The following SECISBP2L variants were observed in gnomAD, a reference collection of about 807,000 sequenced individuals.
SECISBP2L encodes selenocysteine insertion sequence-binding protein 2-like.
SECISBP2L carries 43 observed loss-of-function variants against 114.7 expected under a neutral mutation model. The ratio of observed to expected loss-of-function variants is 0.38; its 90% confidence interval spans 0.29 to 0.48. SECISBP2L has a LOEUF of 0.48. SECISBP2L is among the 20% of genes least tolerant of loss of function. The pLI, the probability that SECISBP2L is intolerant of heterozygous loss-of-function variation, is 0.98. For missense variants in SECISBP2L, 1,136 were observed against 1,301.1 expected (o/e 0.87, Z 1.95); for synonymous variants, 451 against 439.7 (o/e 1.03, Z -0.32).
intron 1 of SECISBP2L, among the ~76,000 whole-genome samples, chr15:49,039,269 T>G (rs1343873712): frequency 1.3e-5 from 2 of 152,066 alleles, no homozygotes; most frequent in Non-Finnish European, 2.9e-5. Flanking sequence ...AAAAATATCT[T>G]CAAACTCTAA....
Position 49,009,263 on chromosome 15 carries a change from T to C in SECISBP2L, c.1980A>G (p.Pro660=). ...TTTTGGTTATTGTTGAAGATGCCAT[T>C]GGACTGCCTATTCCAGAACTAGCAG... ...GSPASSGIGS[P]MASSTITKIH... is the part of the protein sequence containing the mutation. The change falls in exon 14 of 18, where the codon CCA becomes CCG. Residue 660 remains proline, a synonymous_variant. Transcript: ENST00000559471. 6.2e-7 allele frequency: 1 copy of C among 1,614,192 alleles called. No homozygotes were observed. Among genetic ancestry groups the C allele is most frequent in the Non-Finnish European group, 8.5e-7 (1 of 1,180,010 alleles).
chr15:49,040,108 C>T (rs1903092928), intron 1 of SECISBP2L, among the ~76,000 whole-genome samples: 1 of 152,164 alleles, frequency 6.6e-6, no homozygotes, highest in Admixed American at 6.5e-5. Flanking sequence ...CACCCCACTT[C>T]ATTTGTACTT....
In SECISBP2L at chr15:49,025,797, T is replaced by C. The variant is rs553361152; in HGVS notation, c.1035+1568A>G. Among the ~76,000 whole-genome samples, 23 of 152,268 alleles carry C rather than the reference T, an allele frequency of 1.5e-4. No homozygotes were observed. The South Asian group carries it at 4.4e-3, about 29-fold the overall frequency. ...ACACATTGATCTTGGGAATGTAAAT[T>C]AGTATGACCACTACAGAAAATAGTA... is the stretch of plus-strand genomic sequence containing the variant. On this transcript the variant is annotated intron_variant, in intron 7 of 17. Coordinates refer to ENST00000559471, the MANE Select transcript of SECISBP2L (RefSeq NM_001193489.2).
intron 8 of SECISBP2L, among the ~76,000 whole-genome samples, chr15:49,018,683 C>A (rs997420396): frequency 3.3e-5 from 5 of 152,200 alleles, no homozygotes; most frequent in African/African-American, 1.2e-4. Flanking sequence ...AAATGAGTTA[C>A]CGGAGATGTG....
At position 49,037,701 on chromosome 15, in the gene SECISBP2L, G is replaced by C; in HGVS notation, c.93C>G (p.Ile31Met). The change falls in exon 2 of 18, where the codon ATC becomes ATG. Residue 31 changes from isoleucine to methionine, a missense_variant. By Grantham distance (10) the Ile-to-Met change is conservative. Coordinates refer to ENST00000559471, the MANE Select transcript of SECISBP2L (RefSeq NM_001193489.2). ...CATTATCATTTGGGAGAGCCATAGGGATCATAAATGTATCAGGACTCTTCT... is the reference window on the plus strand; with the variant it reads ...CATTATCATTTGGGAGAGCCATAGGCATCATAAATGTATCAGGACTCTTCT... The part of the protein sequence containing the change: ...PQKKSPDTFM[I>M]PMALPNDNGS... 6.2e-7 allele frequency: 1 copy of C among 1,613,620 alleles called. No individual in the cohort carries two copies. Among genetic ancestry groups the C allele is most frequent in the Non-Finnish European group, 8.5e-7 (1 of 1,179,752 alleles).
At position 49,028,480 on chromosome 15, in the gene SECISBP2L, C is replaced by CA; in HGVS notation, c.866dup (p.Leu289PhefsTer5). The CA allele has an allele frequency of 6.2e-7, 1 of 1,614,150 alleles. No individual in the cohort carries two copies. The highest frequency in any genetic ancestry group is 8.5e-7 in the Non-Finnish European group (1 of 1,179,998). On this transcript the variant is annotated frameshift_variant, in exon 5 of 18. Coordinates refer to ENST00000559471, the MANE Select transcript of SECISBP2L (RefSeq NM_001193489.2). LOFTEE classifies it high-confidence loss of function. ...TCATGGTCCCAGAATCAGGATTTCT[C>CA]AAAGCCCCTGCTGCAGGCTGGTTGT...
chr15:49,012,008 AT>A (rs530947250), intron 12 of SECISBP2L, 145 bp from the exon 13 acceptor site: 1 of 786,196 alleles, frequency 1.3e-6, no homozygotes, highest in African/African-American at 1.7e-5. Flanking sequence ...GGCAAATGTA[AT>A]TTCAGACACT....
At chr15:49,002,632 A>T (rs1457394853) in intron 14 of SECISBP2L, among the ~76,000 whole-genome samples, 1 of 152,174 alleles carries the variant, frequency 6.6e-6, no homozygotes, top group Non-Finnish European at 1.5e-5. Context: ...TTTTTGTATA[A>T]GGTGTAAGAA....
In SECISBP2L at chr15:48,996,348, A is replaced by G; in HGVS notation, c.2623+19T>C. 6.3e-7 allele frequency: 1 copy of G among 1,596,280 alleles called. No homozygotes were observed. Among genetic ancestry groups the G allele is most frequent in the Non-Finnish European group, 8.6e-7 (1 of 1,164,994 alleles). ...CATCTCATGGTTTAAGTCATTTAAA[A>G]TAGTATTCAACAACTTACCATATTC... On this transcript the variant is annotated intron_variant, in intron 17 of 17. Transcript: ENST00000559471.
intron 7 of SECISBP2L, among the ~76,000 whole-genome samples, chr15:49,023,771 G>C (rs1482778998): frequency 1.3e-5 from 2 of 152,158 alleles, no homozygotes; most frequent in Non-Finnish European, 2.9e-5. Context: ...AGTGAGCAAA[G>C]CAGAGAACAG....
intron 14 of SECISBP2L, chr15:49,001,967 G>A (rs988138689): frequency 6.6e-6 from 1 of 151,908 alleles, no homozygotes; most frequent in Non-Finnish European, 1.5e-5. Flanking sequence ...GAATCCTTTG[G>A]GTATATACCC....
Position 49,033,075 on chromosome 15 carries a change from T to C in SECISBP2L, c.554A>G (p.Lys185Arg), listed in dbSNP as rs1902930645. Residue 185 changes from lysine (K) to arginine (R), a missense_variant, in exon 4 of 18, where the codon AAA becomes AGA. By Grantham distance (26) the Lys-to-Arg change is conservative. Transcript: ENST00000559471. Reference protein sequence around the residue: ...PKQQLLQQHIKSKRPLVKNVA... With the variant: ...PKQQLLQQHIRSKRPLVKNVA... The stretch of plus-strand genomic sequence containing the variant: ...ATTTTTCACCAGCGGCCTTTTGCTT[T>C]TTATGTGCTGTTGTAAAAGCTGTTG... The C allele has an allele frequency of 3.1e-6, 5 of 1,614,058 alleles. No individual in the cohort carries two copies. The highest frequency in any genetic ancestry group is 4.2e-6 in the Non-Finnish European group (5 of 1,179,996).
intron 9 of SECISBP2L, 51 bp from the exon 10 acceptor site, chr15:49,017,066 C>T: frequency 6.4e-7 from 1 of 1,572,890 alleles, no homozygotes; most frequent in Non-Finnish European, 8.6e-7. Flanking sequence ...AAAAGTCAAT[C>T]ATAAGGAAAA....
chr15:49,022,356 T>C (rs1451130406), intron 7 of SECISBP2L, among the ~76,000 whole-genome samples: 1 of 152,120 alleles, frequency 6.6e-6, no homozygotes, highest in Non-Finnish European at 1.5e-5. Flanking sequence ...TCCCAGCACT[T>C]TGGGAGGCTG....
intron 17 of SECISBP2L, 102 bp downstream of exon 17, chr15:48,996,265 T>A: frequency 8.6e-7 from 1 of 1,160,668 alleles, no homozygotes; most frequent in South Asian, 1.6e-5. Flanking sequence ...TCGAGCAACA[T>A]TTGAATAATC....
intron 16 of SECISBP2L, among the ~76,000 whole-genome samples, chr15:48,997,383 T>C (rs1324876204): frequency 6.6e-6 from 1 of 152,130 alleles, no homozygotes; most frequent in East Asian, 1.9e-4. Context: ...TATGGAGAGC[T>C]AGGACCTTGA....
At chr15:49,016,415 CACACACAAACACACATACATATATAT>C (rs1902537274) in intron 11 of SECISBP2L, 119 bp downstream of exon 11, 2 of 646,320 alleles carry the variant, frequency 3.1e-6, no homozygotes, top group Non-Finnish European at 4.6e-6. Flanking sequence ...TTAAAATACA[CACACACAAACACACATACATATATAT>C]ACACACACAC....
chr15:48,994,921 C>G (rs1902057997), intron 17 of SECISBP2L, among the ~76,000 whole-genome samples: 2 of 148,850 alleles, frequency 1.3e-5, no homozygotes, highest in South Asian at 4.2e-4. Context: ...TTTAAAGGCA[C>G]AAAATGTTTA....
intron 16 of SECISBP2L, among the ~76,000 whole-genome samples, chr15:48,998,999 C>T (rs1902150193): frequency 6.6e-6 from 1 of 152,184 alleles, no homozygotes; most frequent in African/African-American, 2.4e-5. Context: ...GGGAAAGAAA[C>T]ATACGTAACC....
Sources: allele counts gnomAD v4.1 joint callset (sites outside exome capture counted in the v4.1 genomes callset), GRCh38; gene constraint gnomAD v4.1.1; transcripts MANE v1.5; gene names NCBI Gene and HGNC (gene_info 2026-07-23, HGNC 2026-07-21).